Variants in MTUS2 observed in about 807,000 individuals in gnomAD.
MTUS2 encodes microtubule associated scaffold protein 2.
In MTUS2, 40 loss-of-function variants were observed where a neutral mutation model predicts 114.1. The observed-to-expected ratio is 0.35, with a 90% CI of 0.27 to 0.46. MTUS2 has a LOEUF of 0.46. Ranked by LOEUF, MTUS2 falls within the 20% of genes least tolerant of loss-of-function variation. MTUS2 has a pLI of 1.00. For missense variants in MTUS2, 1,679 were observed against 1,705.4 expected (o/e 0.98, Z 0.27); for synonymous variants, 688 against 672.0 (o/e 1.02, Z -0.37).
chr13:28,916,432 T>C (rs980013190), intron 2 of MTUS2, among the ~76,000 whole-genome samples: 2 of 151,994 alleles, frequency 1.3e-5, no homozygotes, highest in African/African-American at 4.8e-5. Flanking sequence ...TCCATGAACA[T>C]GGAATATCTT....
At chr13:29,501,301 CTT>C in intron 15 of MTUS2, 107 bp downstream of exon 15, 1 of 821,508 alleles carries the variant, frequency 1.2e-6, no homozygotes, top group Non-Finnish European at 2.0e-6. Context: ...CCCACAGTCT[CTT>C]GCTGTTTTCC....
chr13:29,372,009 A>C (rs1421878299), intron 8 of MTUS2, among the ~76,000 whole-genome samples: 1 of 122,398 alleles, frequency 8.2e-6, no homozygotes, highest in Non-Finnish European at 1.7e-5. Flanking sequence ...CAAGCACAAA[A>C]GGTAACTGTG....
intron 5 of MTUS2, among the ~76,000 whole-genome samples, chr13:29,243,289 T>A (rs1896796120): frequency 6.6e-6 from 1 of 152,044 alleles, no homozygotes; most frequent in South Asian, 2.1e-4. Context: ...GCAAAGCCAC[T>A]CCACACCCAG....
chr13:29,428,935 T>C (rs1440783131), intron 8 of MTUS2: 7 of 1,603,626 alleles, frequency 4.4e-6, no homozygotes, highest in Admixed American at 1.7e-5. Context: ...CCCTCCTCCT[T>C]TGCAAGGGCA....
intron 2 of MTUS2, among the ~76,000 whole-genome samples, chr13:28,862,262 A>G (rs549079417): frequency 3.3e-5 from 5 of 152,358 alleles, no homozygotes; most frequent in South Asian, 2.1e-4. Context: ...CTGCATGATT[A>G]CATAGTAAAT....
At chr13:29,376,389 C>T (rs1205663180) in intron 8 of MTUS2, among the ~76,000 whole-genome samples, 1 of 151,880 alleles carries the variant, frequency 6.6e-6, no homozygotes, top group Non-Finnish European at 1.5e-5. Flanking sequence ...AATTCCCAGA[C>T]CAACAACTAA....
intron 2 of MTUS2, among the ~76,000 whole-genome samples, chr13:28,904,568 A>T (rs188048700): frequency 6.6e-6 from 1 of 152,260 alleles, no homozygotes; most frequent in East Asian, 1.9e-4. Flanking sequence ...GGTTATAGAT[A>T]TGCAGCATTA....
intron 8 of MTUS2, among the ~76,000 whole-genome samples, chr13:29,399,419 A>G (rs1475535377): frequency 1.3e-5 from 2 of 152,250 alleles, no homozygotes; most frequent in Middle Eastern, 3.4e-3. Context: ...TCATTTTCCC[A>G]TCTCCTATTC....
chr13:29,243,272 A>G (rs902372950), intron 5 of MTUS2, among the ~76,000 whole-genome samples: 3 of 152,306 alleles, frequency 2.0e-5, no homozygotes, highest in Admixed American at 6.5e-5. Flanking sequence ...TGCACAGGAA[A>G]GCGGGAGCAA....
At chr13:28,942,616 G>A (rs956913848) in intron 2 of MTUS2, among the ~76,000 whole-genome samples, 2 of 152,330 alleles carry the variant, frequency 1.3e-5, no homozygotes, top group African/African-American at 2.4e-5. Flanking sequence ...TTCTTACAAT[G>A]GAATCCTATA....
At chr13:29,347,386 A>G (rs1350256371) in intron 7 of MTUS2, among the ~76,000 whole-genome samples, 5 of 150,272 alleles carry the variant, frequency 3.3e-5, no homozygotes, top group Non-Finnish European at 4.4e-5. Flanking sequence ...ATATTTTCAG[A>G]TTTCCCTTTT....
At chr13:29,361,111 G>C (rs756020135) in intron 8 of MTUS2, among the ~76,000 whole-genome samples, 3 of 152,136 alleles carry the variant, frequency 2.0e-5, no homozygotes, top group Non-Finnish European at 4.4e-5. Flanking sequence ...GCACTTCCAT[G>C]TTCCAGGAAA....
intron 5 of MTUS2, among the ~76,000 whole-genome samples, chr13:29,137,504 A>G (rs1357238274): frequency 6.6e-6 from 1 of 151,818 alleles, no homozygotes; most frequent in South Asian, 2.1e-4. Flanking sequence ...ATGGTGTCCC[A>G]CAAGTCCCTT....
At chr13:28,882,440 A>G (rs1285603695) in intron 2 of MTUS2, among the ~76,000 whole-genome samples, 1 of 152,174 alleles carries the variant, frequency 6.6e-6, no homozygotes. Context: ...AAACATTAAT[A>G]AAACAGACTT....
At chr13:29,443,989 G>A (rs140066247) in intron 9 of MTUS2, among the ~76,000 whole-genome samples, 65 of 152,278 alleles carry the variant, frequency 4.3e-4, no homozygotes, top group Non-Finnish European at 7.6e-4. Context: ...CCAGAACAGG[G>A]CTGCCCTGTC....
At position 29,375,586 on chromosome 13, in the gene MTUS2, T is replaced by A. The variant is rs182944921; in HGVS notation, c.3117+16113T>A. On this transcript the variant is annotated intron_variant, in intron 8 of 15. Transcript: ENST00000612955. ...ATATATATATATACATATATATATA[T>A]ACGTATATATATATATATATACGTA... Among the ~76,000 whole-genome samples the A allele has an allele frequency of 0.01, 84 of 8,122 alleles. 16 individuals are homozygous for A. In the East Asian group the frequency reaches 0.12, roughly 12 times the overall value. 5.3% of individuals were successfully genotyped at this position (8,122 alleles called of 152,430 possible).
intron 7 of MTUS2, among the ~76,000 whole-genome samples, chr13:29,327,281 C>G (rs1476597291): frequency 6.6e-6 from 1 of 152,114 alleles, no homozygotes; most frequent in Non-Finnish European, 1.5e-5. Flanking sequence ...AAGTATAGAA[C>G]TTGGTAAGTT....
chr13:29,492,974 AT>A (rs1882298238), intron 12 of MTUS2, among the ~76,000 whole-genome samples: 1 of 152,230 alleles, frequency 6.6e-6, no homozygotes, highest in African/African-American at 2.4e-5. Context: ...TGCTACAGAC[AT>A]TCAGAGAGAT....
intron 12 of MTUS2, among the ~76,000 whole-genome samples, chr13:29,492,930 A>G (rs1882295246): frequency 6.6e-6 from 1 of 152,218 alleles, no homozygotes; most frequent in South Asian, 2.1e-4. Context: ...CAGGTAACAC[A>G]TACTTGCACC....
Sources: gnomAD v4.1 joint callset for allele counts (sites outside exome capture counted in the v4.1 genomes callset) on GRCh38, gnomAD v4.1.1 for gene constraint, MANE v1.5 for transcripts, NCBI Gene and HGNC (gene_info 2026-07-23, HGNC 2026-07-21) for gene names.